Variants in CPNE8 observed in about 807,000 individuals in gnomAD.
The protein encoded by CPNE8 is copine 8, also known as copine-8.
Under a neutral mutation model 81.5 loss-of-function variants are expected in CPNE8, and 45 were observed. The observed-to-expected ratio is 0.55, with a 90% confidence interval of 0.44 to 0.71. CPNE8 has a LOEUF of 0.71. CPNE8 is among the 30% of genes least tolerant of loss of function. The pLI is 0.00. For synonymous variants in CPNE8, 252 were observed against 226.3 expected (o/e 1.11, Z -1.02); for missense variants, 594 against 672.1 (o/e 0.88, Z 1.28).
At chr12:38,668,821 G>A (rs566134517) in intron 19 of CPNE8, among the ~76,000 whole-genome samples, 4 of 152,138 alleles carry the variant, frequency 2.6e-5, no homozygotes, top group East Asian at 3.9e-4. Flanking sequence ...AGGCCGAGGC[G>A]GGCGGATCAC....
intron 18 of CPNE8, 126 bp from the exon 19 acceptor site, chr12:38,670,928 A>T: frequency 1.6e-6 from 1 of 614,644 alleles, no homozygotes; most frequent in Non-Finnish European, 2.8e-6. Flanking sequence ...AAGCATGTTG[A>T]TCCCTTCATG....
At chr12:38,872,199 A>G (rs986466341) in intron 3 of CPNE8, among the ~76,000 whole-genome samples, 1 of 152,196 alleles carries the variant, frequency 6.6e-6, no homozygotes, top group Non-Finnish European at 1.5e-5. Context: ...ACTACTGACC[A>G]CCAGCTCATT....
At chr12:38,827,729 A>G (rs1943221536) in intron 6 of CPNE8, among the ~76,000 whole-genome samples, 1 of 152,190 alleles carries the variant, frequency 6.6e-6, no homozygotes, top group Admixed American at 6.5e-5. Context: ...ACAGAAAACC[A>G]AATACCACAT....
intron 6 of CPNE8, among the ~76,000 whole-genome samples, chr12:38,826,792 T>C (rs1565637322): frequency 6.6e-6 from 1 of 152,068 alleles, no homozygotes; most frequent in African/African-American, 2.4e-5. Context: ...AATAATTTAA[T>C]CATTTTCTGA....
chr12:38,815,682 C>T (rs1943012521), intron 6 of CPNE8, among the ~76,000 whole-genome samples: 1 of 152,158 alleles, frequency 6.6e-6, no homozygotes, highest in South Asian at 2.1e-4. Context: ...ATTTAAAACA[C>T]TATGCTCATC....
chr12:38,668,113 A>C (rs1338979501), intron 19 of CPNE8, among the ~76,000 whole-genome samples: 1 of 152,092 alleles, frequency 6.6e-6, no homozygotes, highest in African/African-American at 2.4e-5. Context: ...TCTGACTTTC[A>C]AGAAGCAAAA....
rs138759005 is a variant in CPNE8 at position 38,844,482 on chromosome 12, T to C, written c.290+4077A>G. The stretch of plus-strand genomic sequence containing the variant: ...TATTACTTTCTCTGTGATATATACA[T>C]AGCATGATGAAAGAAACCATGTCTC... On this transcript the variant is annotated intron_variant, in intron 4 of 19. Transcript: ENST00000331366. Among the ~76,000 whole-genome samples, 4 of 152,280 alleles carry C rather than the reference T, an allele frequency of 2.6e-5. No homozygotes were observed. In the East Asian group the frequency reaches 5.8e-4, roughly 22 times the overall value.
At chr12:38,855,466 C>CA (rs1943715493) in intron 3 of CPNE8, among the ~76,000 whole-genome samples, 1 of 152,080 alleles carries the variant, frequency 6.6e-6, no homozygotes, top group Non-Finnish European at 1.5e-5. Flanking sequence ...TACCTGACTT[C>CA]AAAATCGATC....
chr12:38,683,610 T>A (rs1565566011), intron 16 of CPNE8, among the ~76,000 whole-genome samples: 1 of 152,076 alleles, frequency 6.6e-6, no homozygotes, highest in Non-Finnish European at 1.5e-5. Flanking sequence ...AATACAAGCT[T>A]AAAAATACAA....
intron 6 of CPNE8, among the ~76,000 whole-genome samples, chr12:38,815,378 G>C (rs1943008130): frequency 6.6e-6 from 1 of 151,938 alleles, no homozygotes; most frequent in South Asian, 2.1e-4. Context: ...TTAAATATTA[G>C]TTGTCATATT....
At position 38,685,427 on chromosome 12, in the gene CPNE8, A is replaced by G. The variant is rs1939511012; in HGVS notation, c.1271+63T>C. ...TCATGTGTGGAGTCATGCTAGCAACAATGTTATGAGTTCACCATGTTCCAG... is the reference window on the plus strand; with the variant it reads ...TCATGTGTGGAGTCATGCTAGCAACGATGTTATGAGTTCACCATGTTCCAG... On this transcript the variant is annotated intron_variant, in intron 16 of 19. Coordinates refer to ENST00000331366, the MANE Select transcript of CPNE8 (RefSeq NM_153634.3). 2.6e-6 allele frequency: 4 copies of G among 1,538,780 alleles called. No individual in the cohort carries two copies. The African/African-American group carries it at 4.1e-5, about 16-fold the overall frequency.
chr12:38,874,511 T>C lies in CPNE8; in HGVS notation c.99A>G (p.Arg33=). The C allele has an allele frequency of 6.2e-7, 1 of 1,604,118 alleles. No homozygotes were observed. The highest frequency in any genetic ancestry group is 2.2e-5 in the East Asian group (1 of 44,674). ...ATRVEVSVSC[R]NLLDRDTFSK... is the part of the protein sequence containing the mutation. The stretch of plus-strand genomic sequence containing the variant: ...AAAATGTGTCTCTGTCAAGAAGATT[T>C]CTGTTGAATAAAACAGAAAATGTTA... Residue 33 remains arginine, a splice_region_variant and synonymous_variant, in exon 2 of 20, where the codon AGA becomes AGG. Transcript: ENST00000331366.
intron 13 of CPNE8, 28 bp from the exon 14 acceptor site, chr12:38,702,949 A>G (rs752297848): frequency 7.0e-7 from 1 of 1,425,086 alleles, no homozygotes; most frequent in Non-Finnish European, 9.6e-7. Flanking sequence ...AAGACTCATT[A>G]ATAATGAAAT....
chr12:38,767,134 C>T (rs1034462547), intron 8 of CPNE8, among the ~76,000 whole-genome samples: 3 of 151,968 alleles, frequency 2.0e-5, no homozygotes, highest in Non-Finnish European at 2.9e-5. Context: ...AAATTATGGT[C>T]TATAACTCAT....
intron 6 of CPNE8, among the ~76,000 whole-genome samples, chr12:38,776,553 G>A (rs757144395): frequency 7.9e-5 from 12 of 151,774 alleles, no homozygotes; most frequent in African/African-American, 7.2e-5. Flanking sequence ...CCAGTGATCC[G>A]CTCCCCTCGG....
chr12:38,876,219 T>C (rs1944063883), intron 1 of CPNE8, among the ~76,000 whole-genome samples: 5 of 152,172 alleles, frequency 3.3e-5, no homozygotes, highest in Admixed American at 2.6e-4. Flanking sequence ...CAGATGAGTA[T>C]TCTTTTTTTT....
At chr12:38,825,998 T>C (rs1016005248) in intron 6 of CPNE8, among the ~76,000 whole-genome samples, 1 of 152,198 alleles carries the variant, frequency 6.6e-6, no homozygotes, top group Non-Finnish European at 1.5e-5. Flanking sequence ...TTCACTACTG[T>C]TTAATGAATG....
chr12:38,743,887 T>C (rs769129173), intron 10 of CPNE8, among the ~76,000 whole-genome samples: 9 of 152,194 alleles, frequency 5.9e-5, no homozygotes, highest in African/African-American at 9.6e-5. Flanking sequence ...TGAGTATTTA[T>C]CAAAGCTGAA....
At chr12:38,753,894 G>A (rs988685921) in intron 10 of CPNE8, among the ~76,000 whole-genome samples, 2 of 152,142 alleles carry the variant, frequency 1.3e-5, no homozygotes, top group African/African-American at 4.8e-5. Flanking sequence ...TATATAAAGA[G>A]TTCCGTACTA....
Sources: allele counts gnomAD v4.1 joint callset (sites outside exome capture counted in the v4.1 genomes callset), GRCh38; gene constraint gnomAD v4.1.1; transcripts MANE v1.5; gene names NCBI Gene and HGNC (gene_info 2026-07-23, HGNC 2026-07-21).